The following KIRREL3 variants were observed in gnomAD, a reference collection of about 807,000 sequenced individuals.
KIRREL3 encodes the protein kin of IRRE-like protein 3.
KIRREL3 carries 36 observed loss-of-function variants against 89.7 expected under a neutral mutation model. That is an observed-to-expected ratio of 0.40 (90% confidence interval 0.31 to 0.53). The LOEUF is 0.53. Among genes scored for constraint, KIRREL3 ranks in the 20% least tolerant of loss-of-function variants. The pLI is 0.49. For missense variants in KIRREL3, 864 were observed against 1,056.6 expected (o/e 0.82, Z 2.53); for synonymous variants, 445 against 441.4 (o/e 1.01, Z -0.10).
rs560979798 is a variant in KIRREL3, at chr11:126,877,477, T to C, written c.55+122978A>G. Among the ~76,000 whole-genome samples the C allele has an allele frequency of 9.7e-4, 147 of 152,270 alleles. 3 individuals are homozygous for C. In the South Asian group the frequency reaches 0.028, roughly 29 times the overall value. On this transcript the variant is annotated intron_variant, in intron 1 of 16. Coordinates refer to ENST00000525144, the MANE Select transcript of KIRREL3 (RefSeq NM_032531.4). The surrounding 1 kb of genome is among the most constrained non-coding windows in gnomAD (Gnocchi z 4.9). ...CCTGCAATGGAAAGAATCTCTTTCC[T>C]CCACTCACTCACTTCCCTCCCCAAC...
In KIRREL3 at chr11:126,796,865, G is replaced by C. The variant is rs561635696; in HGVS notation, c.55+203590C>G. On this transcript the variant is annotated intron_variant, in intron 1 of 16. Coordinates refer to ENST00000525144, the MANE Select transcript of KIRREL3 (RefSeq NM_032531.4). This position sits in a 1 kb window ranked among gnomAD's most constrained non-coding sequence, Gnocchi z 5.1. ...TCCAATTAGAGCTGTACCTTAGGTA[G>C]AGTACATGAAAATCTGATTGTTGGC... 8.1e-4 allele frequency among the ~76,000 whole-genome samples: 124 copies of C among 152,214 alleles called. 1 individual carries two copies. The highest frequency in any genetic ancestry group is 1.8e-3 in the Admixed American group (27 of 15,286).
chr11:126,455,551 G>A lies in KIRREL3; in HGVS notation c.848+798C>T, dbSNP rs1044643241. Among the ~76,000 whole-genome samples the A allele has an allele frequency of 3.3e-5, 5 of 152,096 alleles. No homozygotes were observed. Among genetic ancestry groups the A allele is most frequent in the African/African-American group, 1.2e-4 (5 of 41,402 alleles). The stretch of plus-strand genomic sequence containing the variant: ...TGCCTGTAATCCCAGCACTTTGGGA[G>A]GCTGAGGCAGGTGGATCACGAGGTC... On this transcript the variant is annotated intron_variant, in intron 7 of 16. Transcript: ENST00000525144. The surrounding 1 kb of genome is among the most constrained non-coding windows in gnomAD (Gnocchi z 6.4).
chr11:126,713,615 G>T (rs527389468), intron 1 of KIRREL3, among the ~76,000 whole-genome samples: 1 of 152,290 alleles, frequency 6.6e-6, no homozygotes, highest in East Asian at 1.9e-4. Flanking sequence ...ACAGGCTCTG[G>T]TAACTGACAG....
In KIRREL3 at chr11:126,776,579, C is replaced by T. The variant is rs1195695242; in HGVS notation, c.56-213667G>A. On this transcript the variant is annotated intron_variant, in intron 1 of 16. Coordinates refer to ENST00000525144, the MANE Select transcript of KIRREL3 (RefSeq NM_032531.4). The surrounding 1 kb of genome is among the most constrained non-coding windows in gnomAD (Gnocchi z 4.7). ...GTCCCTTAAGAGAGATTGAGTCCTT[C>T]TCTAGCAATAAGACCTAGCATGACT... 6.6e-6 allele frequency among the ~76,000 whole-genome samples: 1 copy of T among 152,214 alleles called. No homozygotes were observed. Among genetic ancestry groups the T allele is most frequent in the East Asian group, 1.9e-4 (1 of 5,188 alleles).
In KIRREL3 at chr11:126,640,360, GCGCA is replaced by G. The variant is rs1944421865; in HGVS notation, c.56-77452_56-77449del. ...CACACACACAGACGCGCGTGTGCGC[GCGCA>G]CACACACGCACACGCGCACACACAG... On this transcript the variant is annotated intron_variant, in intron 1 of 16. Coordinates refer to ENST00000525144, the MANE Select transcript of KIRREL3 (RefSeq NM_032531.4). The surrounding 1 kb of genome is among the most constrained non-coding windows in gnomAD (Gnocchi z 4.9). 6.6e-6 allele frequency among the ~76,000 whole-genome samples: 1 copy of G among 151,920 alleles called. No individual in the cohort carries two copies. The highest frequency in any genetic ancestry group is 2.4e-5 in the African/African-American group (1 of 41,358).
intron 1 of KIRREL3, among the ~76,000 whole-genome samples, chr11:126,716,144 A>G (rs1471755116): frequency 6.6e-6 from 1 of 151,996 alleles, no homozygotes; most frequent in Non-Finnish European, 1.5e-5. Flanking sequence ...GGAGGAACAG[A>G]TAGGAGGGAG....
intron 1 of KIRREL3, among the ~76,000 whole-genome samples, chr11:126,910,140 C>T (rs954652751): frequency 1.3e-5 from 2 of 152,240 alleles, no homozygotes; most frequent in Non-Finnish European, 2.9e-5. Flanking sequence ...TTGGACTATA[C>T]ACACAGCTCA....
intron 1 of KIRREL3, among the ~76,000 whole-genome samples, chr11:126,862,822 C>G (rs766988451): frequency 2.0e-5 from 3 of 152,222 alleles, no homozygotes; most frequent in African/African-American, 7.2e-5. Flanking sequence ...GAGAGTGATG[C>G]ATTTGACAGT....
intron 1 of KIRREL3, among the ~76,000 whole-genome samples, chr11:126,816,939 A>C (rs1951592914): frequency 6.6e-6 from 1 of 152,238 alleles, no homozygotes; most frequent in African/African-American, 2.4e-5. Context: ...TCAGAGGAAC[A>C]GCTGAGCAGA....
At position 126,636,326 on chromosome 11, in the gene KIRREL3, T is replaced by G. The variant is rs1759040165; in HGVS notation, c.56-73414A>C. Among the ~76,000 whole-genome samples, 1 of 152,180 alleles carries G rather than the reference T, an allele frequency of 6.6e-6. No homozygotes were observed. The highest frequency in any genetic ancestry group is 2.1e-4 in the South Asian group (1 of 4,828). ...GGAGGAAATACCCATTTCAAAGAAT[T>G]GGGAGGATAAAATTAAGAGACTGGT... On this transcript the variant is annotated intron_variant, in intron 1 of 16. Transcript: ENST00000525144. The surrounding 1 kb of genome is among the most constrained non-coding windows in gnomAD (Gnocchi z 4.4).
chr11:126,518,334 A>C (rs1039101074), intron 4 of KIRREL3, among the ~76,000 whole-genome samples: 1 of 152,170 alleles, frequency 6.6e-6, no homozygotes, highest in East Asian at 1.9e-4. Context: ...TATTTTAACA[A>C]TGCACATCTG....
chr11:126,439,148 T>A (rs1021634153), intron 11 of KIRREL3, among the ~76,000 whole-genome samples: 3 of 152,108 alleles, frequency 2.0e-5, no homozygotes, highest in Non-Finnish European at 4.4e-5. Flanking sequence ...TTGGCCAACA[T>A]GGTGAAACCT....
In KIRREL3 at chr11:126,898,346, T is replaced by C. The variant is rs1946247152; in HGVS notation, c.55+102109A>G. Among the ~76,000 whole-genome samples, 1 of 152,220 alleles carries C rather than the reference T, an allele frequency of 6.6e-6. No homozygotes were observed. Among genetic ancestry groups the C allele is most frequent in the Admixed American group, 6.5e-5 (1 of 15,280 alleles). On this transcript the variant is annotated intron_variant, in intron 1 of 16. Transcript: ENST00000525144. The surrounding 1 kb of genome is among the most constrained non-coding windows in gnomAD (Gnocchi z 4.9). The stretch of plus-strand genomic sequence containing the variant: ...TATAAACTGGTCGGATATTTTAGAA[T>C]ATTCCTGGCAGTACTTAATGAAATT...
intron 1 of KIRREL3, among the ~76,000 whole-genome samples, chr11:126,816,211 G>C (rs189398556): frequency 2.6e-5 from 4 of 152,330 alleles, no homozygotes; most frequent in Non-Finnish European, 4.4e-5. Flanking sequence ...TATCACTAGT[G>C]CTACATGTTA....
Position 126,918,659 on chromosome 11 carries a change from A to G in KIRREL3, c.55+81796T>C, listed in dbSNP as rs1947138784. The stretch of plus-strand genomic sequence containing the variant: ...TCTAAGAAAGGGATTGCAAATACAT[A>G]GAAAGGCTATTCCATTCTTCATCTC... On this transcript the variant is annotated intron_variant, in intron 1 of 16. Coordinates refer to ENST00000525144, the MANE Select transcript of KIRREL3 (RefSeq NM_032531.4). This position sits in a 1 kb window ranked among gnomAD's most constrained non-coding sequence, Gnocchi z 6.5. Among the ~76,000 whole-genome samples the G allele has an allele frequency of 6.6e-6, 1 of 152,248 alleles. No homozygotes were observed. The highest frequency in any genetic ancestry group is 2.1e-4 in the South Asian group (1 of 4,838).
At chr11:126,437,494 C>T (rs1016281726) in intron 11 of KIRREL3, among the ~76,000 whole-genome samples, 3 of 148,658 alleles carry the variant, frequency 2.0e-5, no homozygotes, top group Non-Finnish European at 2.9e-5. Flanking sequence ...AGTACATGTA[C>T]CACAACACAC....
At chr11:126,962,407 T>C (rs1949119404) in intron 1 of KIRREL3, among the ~76,000 whole-genome samples, 1 of 152,190 alleles carries the variant, frequency 6.6e-6, no homozygotes, top group Non-Finnish European at 1.5e-5. Context: ...AGGAAGTAAC[T>C]GCAGATGTGG....
chr11:126,906,334 T>C lies in KIRREL3; in HGVS notation c.55+94121A>G, dbSNP rs995910026. ...TTTTCGTTGTTTGCTTTCTTAAAAA[T>C]AAGCATTAAAAGGTAGGGAGGTATT... is the stretch of plus-strand genomic sequence containing the variant. On this transcript the variant is annotated intron_variant, in intron 1 of 16. Coordinates refer to ENST00000525144, the MANE Select transcript of KIRREL3 (RefSeq NM_032531.4). The surrounding 1 kb of genome is among the most constrained non-coding windows in gnomAD (Gnocchi z 4.1). Among the ~76,000 whole-genome samples the C allele has an allele frequency of 2.6e-5, 4 of 152,138 alleles. No homozygotes were observed. Among genetic ancestry groups the C allele is most frequent in the African/African-American group, 9.7e-5 (4 of 41,434 alleles).
intron 1 of KIRREL3, among the ~76,000 whole-genome samples, chr11:126,659,487 A>G (rs946105283): frequency 6.6e-6 from 1 of 152,192 alleles, no homozygotes; most frequent in African/African-American, 2.4e-5. Flanking sequence ...CACTGGTCCA[A>G]GTGTCTAGTT....
Sources: gnomAD v4.1 joint callset for allele counts (sites outside exome capture counted in the v4.1 genomes callset) on GRCh38, gnomAD v4.1.1 for gene constraint, Gnocchi (gnomAD v3.1) non-coding constraint, MANE v1.5 for transcripts, NCBI Gene and HGNC (gene_info 2026-07-23, HGNC 2026-07-21) for gene names.